Variants in ZNF383 observed in about 807,000 individuals in gnomAD.
ZNF383 encodes zinc finger protein 383.
Under a neutral mutation model 44.2 loss-of-function variants are expected in ZNF383, and 32 were observed. That is an observed-to-expected ratio of 0.72 (90% CI 0.55 to 0.97). The LOEUF is 0.97. ZNF383 is among the 50% of genes least tolerant of loss of function. ZNF383 has a pLI of 0.00. For missense variants in ZNF383, 487 were observed against 562.5 expected (o/e 0.87, Z 1.36); for synonymous variants, 155 against 186.2 (o/e 0.83, Z 1.36).
chr19:37,223,255 T>A (rs1373800048), intron 1 of ZNF383, among the ~76,000 whole-genome samples: 1 of 152,236 alleles, frequency 6.6e-6, no homozygotes, highest in Non-Finnish European at 1.5e-5. Context: ...ATAATATACT[T>A]GCTTTTCAAA....
At chr19:37,228,750 C>T (rs1038536260) in intron 2 of ZNF383, among the ~76,000 whole-genome samples, 4 of 151,924 alleles carry the variant, frequency 2.6e-5, no homozygotes, top group Admixed American at 1.3e-4. Context: ...TCAAAGTTCC[C>T]GAGTTTATTC....
chr19:37,220,731 A>G (rs1361052601), intron 1 of ZNF383, among the ~76,000 whole-genome samples: 1 of 151,618 alleles, frequency 6.6e-6, no homozygotes, highest in Non-Finnish European at 1.5e-5. Context: ...AACTTATCCT[A>G]CCTCCCTCTT....
chr19:37,230,318 A>G (rs1481114493), intron 2 of ZNF383, 91 bp from the exon 3 acceptor site: 3 of 814,446 alleles, frequency 3.7e-6, no homozygotes, highest in Non-Finnish European at 6.1e-6. Context: ...AGACCAAGAA[A>G]TATGGAGGTG....
chr19:37,219,793 G>A (rs992678361), intron 1 of ZNF383: 2 of 152,132 alleles, frequency 1.3e-5, no homozygotes, highest in African/African-American at 4.8e-5. Flanking sequence ...GGATAGTCGT[G>A]GTTAACATAG....
intron 5 of ZNF383, among the ~76,000 whole-genome samples, chr19:37,238,391 A>G (rs1266960612): frequency 1.3e-5 from 2 of 150,872 alleles, no homozygotes; most frequent in Admixed American, 6.6e-5. Context: ...TATTAATAAT[A>G]TTTCTATATT....
intron 2 of ZNF383, among the ~76,000 whole-genome samples, chr19:37,227,201 G>A (rs1973213047): frequency 1.5e-5 from 2 of 134,946 alleles, no homozygotes; most frequent in Admixed American, 1.7e-4. Context: ...CGCAACCTCC[G>A]CCTCCCAGGT....
chr19:37,222,303 C>T (rs1435729901), intron 1 of ZNF383, among the ~76,000 whole-genome samples: 1 of 152,016 alleles, frequency 6.6e-6, no homozygotes, highest in Non-Finnish European at 1.5e-5. Flanking sequence ...TGTTGCTGCA[C>T]GTTAGTTATA....
intron 2 of ZNF383, among the ~76,000 whole-genome samples, chr19:37,226,955 TGC>T (rs1157119815): frequency 4.0e-5 from 6 of 151,692 alleles, no homozygotes; most frequent in Non-Finnish European, 8.8e-5. Context: ...ACTACAGGCG[TGC>T]GTCACCATGC....
intron 2 of ZNF383, among the ~76,000 whole-genome samples, chr19:37,227,110 C>CTTTTTTTTT (rs35250551): frequency 1.1e-5 from 1 of 92,042 alleles, no homozygotes; most frequent in African/African-American, 4.9e-5. Flanking sequence ...CCCAGCCAGG[C>CTTTTTTTTT]TTTTTTTTTT....
intron 2 of ZNF383, among the ~76,000 whole-genome samples, chr19:37,228,614 T>A (rs1011432781): frequency 2.0e-5 from 3 of 152,024 alleles, no homozygotes; most frequent in African/African-American, 7.2e-5. Context: ...TCTACTTGGT[T>A]TTGTGTGTGT....
At chr19:37,223,292 A>G (rs980865658) in intron 1 of ZNF383, among the ~76,000 whole-genome samples, 5 of 152,220 alleles carry the variant, frequency 3.3e-5, no homozygotes, top group African/African-American at 1.2e-4. Flanking sequence ...ATCCAAATTG[A>G]TCATATGCTG....
At chr19:37,237,323 G>C (rs1973863558) in intron 5 of ZNF383, among the ~76,000 whole-genome samples, 1 of 152,136 alleles carries the variant, frequency 6.6e-6, no homozygotes, top group South Asian at 2.1e-4. Context: ...GTAGTAGGTG[G>C]AGCCTTGGAA....
intron 1 of ZNF383, among the ~76,000 whole-genome samples, chr19:37,223,128 C>T (rs1408081308): frequency 6.6e-6 from 1 of 152,160 alleles, no homozygotes; most frequent in East Asian, 1.9e-4. Context: ...TTTTAGCACT[C>T]TTCTCAATAG....
Position 37,246,803 on chromosome 19 carries a change from A to G in ZNF383, c.*3139A>G, listed in dbSNP as rs930645890. The G allele has an allele frequency of 1.3e-5, 2 of 152,114 alleles. No homozygotes were observed. The highest frequency in any genetic ancestry group is 4.8e-5 in the African/African-American group (2 of 41,434). 9.4% of individuals were successfully genotyped at this position (152,114 alleles called of 1,614,324 possible). On this transcript the variant is annotated 3_prime_UTR_variant, in exon 6 of 6. Transcript: ENST00000684119. Reference sequence around the variant, plus strand: ...GAGACTCTGTCTTACAAAATAAAAAATAAACGGTTACCAATCTGAAACCCT... The same window carrying G: ...GAGACTCTGTCTTACAAAATAAAAAGTAAACGGTTACCAATCTGAAACCCT...
intron 5 of ZNF383, among the ~76,000 whole-genome samples, chr19:37,240,354 T>C (rs1170406100): frequency 1.3e-5 from 2 of 152,148 alleles, no homozygotes; most frequent in African/African-American, 4.8e-5. Flanking sequence ...CTCCAAAACA[T>C]GTATATACAT....
At chr19:37,234,920 G>A (rs970767611) in intron 3 of ZNF383, among the ~76,000 whole-genome samples, 2 of 152,010 alleles carry the variant, frequency 1.3e-5, no homozygotes, top group South Asian at 2.1e-4. Context: ...TGTGGATTTC[G>A]TGAAATCAGT....
At chr19:37,242,046 GATACTATAT>G (rs1213087206) in intron 5 of ZNF383, among the ~76,000 whole-genome samples, 15 of 33,864 alleles carry the variant, frequency 4.4e-4, no homozygotes, top group East Asian at 6.7e-4. Flanking sequence ...ATATAGTATA[GATACTATAT>G]ATACTATATA....
chr19:37,219,766 T>A (rs1972832322), intron 1 of ZNF383: 1 of 152,236 alleles, frequency 6.6e-6, no homozygotes, highest in Non-Finnish European at 1.5e-5. Context: ...TGGGTTTCCT[T>A]TTTGCTTCTC....
chr19:37,220,559 G>GTT (rs201474411), intron 1 of ZNF383, among the ~76,000 whole-genome samples: 2 of 113,022 alleles, frequency 1.8e-5, no homozygotes, highest in Admixed American at 1.7e-4. Context: ...GCCTATATTT[G>GTT]TTTTTTTTTT....
Sources: allele counts gnomAD v4.1 joint callset (sites outside exome capture counted in the v4.1 genomes callset), GRCh38; gene constraint gnomAD v4.1.1; transcripts MANE v1.5; gene names NCBI Gene and HGNC (gene_info 2026-07-23, HGNC 2026-07-21).